Variants in GRIK1 observed in about 807,000 individuals in gnomAD.
GRIK1 encodes glutamate receptor ionotropic, kainate 1.
GRIK1 carries 69 observed loss-of-function variants against 105.7 expected under a neutral mutation model. The ratio of observed to expected loss-of-function variants is 0.65; its 90% confidence interval spans 0.54 to 0.80. GRIK1 has a LOEUF of 0.80. GRIK1 is among the 30% of genes least tolerant of loss of function. GRIK1 has a pLI of 0.00. For missense variants in GRIK1, 1,109 were observed against 1,167.3 expected (o/e 0.95, Z 0.73); for synonymous variants, 438 against 431.3 (o/e 1.02, Z -0.19).
chr21:29,862,335 A>G (rs976157149), intron 1 of GRIK1, among the ~76,000 whole-genome samples: 1 of 152,002 alleles, frequency 6.6e-6, no homozygotes, highest in Non-Finnish European at 1.5e-5. Flanking sequence ...TCCTCCACCA[A>G]ATTCTTGTTG....
intron 1 of GRIK1, among the ~76,000 whole-genome samples, chr21:29,876,114 G>A (rs464127): frequency 0.033 from 1,567 of 47,324 alleles, 29 homozygotes; most frequent in African/African-American, 0.055. Flanking sequence ...AGATAGATAT[G>A]TGTGTGTGTG....
intron 1 of GRIK1, among the ~76,000 whole-genome samples, chr21:29,933,111 C>T (rs2071630340): frequency 1.3e-5 from 2 of 151,848 alleles, no homozygotes; most frequent in Admixed American, 6.6e-5. Flanking sequence ...AAATATCTGC[C>T]ACCATACTAA....
chr21:29,887,253 G>C (rs571390640), intron 1 of GRIK1, among the ~76,000 whole-genome samples: 2 of 152,074 alleles, frequency 1.3e-5, no homozygotes, highest in Non-Finnish European at 2.9e-5. Context: ...AAAATTTTAG[G>C]CATTTTAAAA....
intron 1 of GRIK1, among the ~76,000 whole-genome samples, chr21:29,726,433 A>C (rs1290633689): frequency 6.6e-6 from 1 of 152,214 alleles, no homozygotes; most frequent in Non-Finnish European, 1.5e-5. Flanking sequence ...TGTGAGCTTC[A>C]ACATGTACTT....
At chr21:29,725,773 G>A (rs995358013) in intron 1 of GRIK1, among the ~76,000 whole-genome samples, 2 of 152,102 alleles carry the variant, frequency 1.3e-5, no homozygotes, top group African/African-American at 4.8e-5. Flanking sequence ...TAAACCAGGA[G>A]AACAAAACTT....
At chr21:29,806,104 G>A (rs977080094) in intron 1 of GRIK1, among the ~76,000 whole-genome samples, 4 of 152,096 alleles carry the variant, frequency 2.6e-5, no homozygotes, top group South Asian at 2.1e-4. Context: ...TTTACTGTAT[G>A]CATTTATTTT....
At chr21:29,900,745 C>T (rs1469463716) in intron 1 of GRIK1, among the ~76,000 whole-genome samples, 2 of 152,136 alleles carry the variant, frequency 1.3e-5, no homozygotes, top group East Asian at 3.9e-4. Flanking sequence ...AGAAAATTAA[C>T]AAGGATATCC....
intron 1 of GRIK1, among the ~76,000 whole-genome samples, chr21:29,694,785 T>C (rs1046095720): frequency 6.6e-6 from 1 of 152,204 alleles, no homozygotes; most frequent in Non-Finnish European, 1.5e-5. Flanking sequence ...TTCAGAAGCC[T>C]ACATTCCAGA....
chr21:29,749,919 A>G (rs2065141369), intron 1 of GRIK1, among the ~76,000 whole-genome samples: 1 of 152,162 alleles, frequency 6.6e-6, no homozygotes, highest in South Asian at 2.1e-4. Flanking sequence ...TTTCTATTTA[A>G]TATCAAAAGT....
intron 1 of GRIK1, among the ~76,000 whole-genome samples, chr21:29,920,490 C>A (rs1273796048): frequency 1.3e-5 from 2 of 152,052 alleles, no homozygotes; most frequent in Non-Finnish European, 2.9e-5. Context: ...GCAAAAGTTT[C>A]TTTGACTTTC....
chr21:29,618,345 A>C (rs923823682), intron 7 of GRIK1, among the ~76,000 whole-genome samples: 1 of 152,202 alleles, frequency 6.6e-6, no homozygotes, highest in African/African-American at 2.4e-5. Context: ...CCATAATAAA[A>C]AAAATTTAAA....
chr21:29,705,873 C>CTTTTTT (rs1325677911), intron 1 of GRIK1, among the ~76,000 whole-genome samples: 36 of 135,694 alleles, frequency 2.7e-4, no homozygotes, highest in South Asian at 4.8e-4. Flanking sequence ...CTTTTCTTTT[C>CTTTTTT]TTTTTTTTTT....
intron 1 of GRIK1, among the ~76,000 whole-genome samples, chr21:29,921,553 C>T (rs966852143): frequency 2.5e-4 from 38 of 152,210 alleles, no homozygotes; most frequent in African/African-American, 8.7e-4. Flanking sequence ...CTCAGGTTCC[C>T]TTCGTTTTTA....
At chr21:29,700,249 C>T (rs2063786210) in intron 1 of GRIK1, among the ~76,000 whole-genome samples, 1 of 152,092 alleles carries the variant, frequency 6.6e-6, no homozygotes, top group African/African-American at 2.4e-5. Flanking sequence ...ACATCCTGTA[C>T]ACCTGGCAGG....
chr21:29,575,050 G>A (rs902378333), intron 14 of GRIK1, among the ~76,000 whole-genome samples: 1 of 152,100 alleles, frequency 6.6e-6, no homozygotes, highest in African/African-American at 2.4e-5. Flanking sequence ...TTTTAACACA[G>A]AAGAAAAGTA....
Position 29,661,735 on chromosome 21 carries a change from T to A in GRIK1, c.727-6872A>T, listed in dbSNP as rs567446952. 2.5e-4 allele frequency among the ~76,000 whole-genome samples: 38 copies of A among 152,336 alleles called. No individual in the cohort carries two copies. The Middle Eastern group carries it at 0.01, about 41-fold the overall frequency. The stretch of plus-strand genomic sequence containing the variant: ...CTCATCTTTCTGTGATTATGGCATA[T>A]GAAATCGCTGTAACCCTAACTCCAG... On this transcript the variant is annotated intron_variant, in intron 4 of 17. Transcript: ENST00000327783.
chr21:29,577,220 T>C lies in GRIK1; in HGVS notation c.1913-39A>G, dbSNP rs897188697. On this transcript the variant is annotated intron_variant, in intron 13 of 17. Transcript: ENST00000327783. The stretch of plus-strand genomic sequence containing the variant: ...ATCAGAGTAAGGGTGTTAAACACAG[T>C]CAGAAGGAAAGGGAAGATGTACAGT... The C allele has an allele frequency of 4.3e-6, 5 of 1,156,404 alleles. No homozygotes were observed. In the Admixed American group the frequency reaches 8.5e-5, roughly 20 times the overall value. 71.6% of individuals were successfully genotyped at this position (1,156,404 alleles called of 1,614,324 possible). A position where few individuals can be genotyped will look rare whatever the true frequency, so the allele number is the denominator to read the frequency against.
intron 1 of GRIK1, among the ~76,000 whole-genome samples, chr21:29,739,172 G>A (rs887210377): frequency 1.3e-5 from 2 of 152,134 alleles, no homozygotes; most frequent in South Asian, 2.1e-4. Context: ...CAAATAAAGC[G>A]GAATGAGGGG....
intron 15 of GRIK1, among the ~76,000 whole-genome samples, chr21:29,560,299 C>T (rs1235224062): frequency 1.0e-5 from 1 of 99,980 alleles, no homozygotes; most frequent in Non-Finnish European, 2.0e-5. Flanking sequence ...TTCTTTCTTT[C>T]TTTCTTTCTT....
Sources: gnomAD v4.1 joint callset for allele counts (sites outside exome capture counted in the v4.1 genomes callset) on GRCh38, gnomAD v4.1.1 for gene constraint, MANE v1.5 for transcripts, NCBI Gene and HGNC (gene_info 2026-07-23, HGNC 2026-07-21) for gene names.